TMEM266: variants seen among roughly 807,000 people sequenced by gnomAD.
TMEM266 encodes the protein transmembrane protein 266, also known as Hv1 related protein 1.
Under a neutral mutation model 50.5 loss-of-function variants are expected in TMEM266, and 33 were observed. The ratio of observed to expected loss-of-function variants is 0.65; its 90% CI spans 0.50 to 0.87. TMEM266 has a LOEUF of 0.87. TMEM266 is among the 40% of genes least tolerant of loss of function. The probability of loss-of-function intolerance (pLI) is 0.00; values close to 1 mark genes in which losing one functional copy is unlikely to be tolerated. For synonymous variants in TMEM266, 310 were observed against 292.3 expected, an observed-to-expected ratio of 1.06 and a Z score of -0.62; for missense variants, 655 against 695.1, an observed-to-expected ratio of 0.94 and a Z score of 0.65.
chr15:76,076,140 G>C (rs1355526577), intron 1 of TMEM266, among the ~76,000 whole-genome samples: 2 of 151,972 alleles, frequency 1.3e-5, no homozygotes, highest in East Asian at 3.9e-4. Context: ...TTACAGGCAT[G>C]AGCCACTGTG....
At chr15:76,062,257 T>C (rs2036318877) in intron 1 of TMEM266, among the ~76,000 whole-genome samples, 1 of 152,236 alleles carries the variant, frequency 6.6e-6, no homozygotes, top group Non-Finnish European at 1.5e-5. Flanking sequence ...CTTTTAATTA[T>C]AAATTGATGA....
Position 76,161,478 on chromosome 15 carries a change from T to TCC in TMEM266, c.456+1311_456+1312insCC. Among the ~76,000 whole-genome samples, 1 of 151,912 alleles carries TCC rather than the reference T, an allele frequency of 6.6e-6. No homozygotes were observed. The highest frequency in any genetic ancestry group is 2.4e-5 in the African/African-American group (1 of 41,382). ...AATGGCTCTGCTCTCTCTCTCTCTCTCTCCCTAAAAATCAGGAGGGAGCTG... is the reference window on the plus strand; with the variant it reads ...AATGGCTCTGCTCTCTCTCTCTCTCTCCCTCCCTAAAAATCAGGAGGGAGCTG... On this transcript the variant is annotated intron_variant, in intron 5 of 10. Transcript: ENST00000388942. This position sits in a 1 kb window ranked among gnomAD's most constrained non-coding sequence, Gnocchi z 4.1.
intron 8 of TMEM266, among the ~76,000 whole-genome samples, chr15:76,187,942 C>T (rs538026772): frequency 1.4e-4 from 22 of 152,232 alleles, no homozygotes; most frequent in South Asian, 4.2e-4. Flanking sequence ...CCTGTTGGTT[C>T]GCAGATGATA....
chr15:76,101,836 A>C (rs2037005029), intron 1 of TMEM266, among the ~76,000 whole-genome samples: 1 of 152,226 alleles, frequency 6.6e-6, no homozygotes, highest in African/African-American at 2.4e-5. Flanking sequence ...CCAGCTGCCA[A>C]CACAGGTTGG....
At chr15:76,184,383 C>T (rs1353111173) in intron 8 of TMEM266, among the ~76,000 whole-genome samples, 1 of 152,210 alleles carries the variant, frequency 6.6e-6, no homozygotes, top group East Asian at 1.9e-4. Context: ...TTATGGCCAA[C>T]TACCAGTCAT....
intron 8 of TMEM266, among the ~76,000 whole-genome samples, chr15:76,187,555 A>T (rs1875886): frequency 0.98 from 149,020 of 152,300 alleles, 72,991 homozygotes; most frequent in South Asian, 1. Flanking sequence ...ATCCTGCACA[A>T]AAAGGCTGCC....
intron 1 of TMEM266, among the ~76,000 whole-genome samples, chr15:76,088,643 A>G (rs1459842075): frequency 6.6e-6 from 1 of 151,814 alleles, no homozygotes; most frequent in Non-Finnish European, 1.5e-5. Flanking sequence ...AAAAAATACA[A>G]AAAATTAGCC....
intron 1 of TMEM266, among the ~76,000 whole-genome samples, chr15:76,110,863 G>A (rs2142011242): frequency 6.6e-6 from 1 of 152,282 alleles, no homozygotes; most frequent in East Asian, 1.9e-4. Flanking sequence ...ATATACAGAT[G>A]TCAAATAAGC....
At chr15:76,140,849 A>C (rs1764048927) in intron 3 of TMEM266, among the ~76,000 whole-genome samples, 1 of 147,222 alleles carries the variant, frequency 6.8e-6, no homozygotes, top group Admixed American at 6.9e-5. Flanking sequence ...AGCCTGTGCA[A>C]CATGGCAAAA....
intron 5 of TMEM266, among the ~76,000 whole-genome samples, chr15:76,165,521 G>C (rs1440939687): frequency 6.6e-6 from 1 of 152,254 alleles, no homozygotes; most frequent in Non-Finnish European, 1.5e-5. Flanking sequence ...AGGTGGGAAA[G>C]GAGGAGGCTG....
At chr15:76,144,326 T>G (rs1349328273) in intron 3 of TMEM266, among the ~76,000 whole-genome samples, 1 of 152,074 alleles carries the variant, frequency 6.6e-6, no homozygotes, top group Non-Finnish European at 1.5e-5. Context: ...ACACGAAGCC[T>G]GCTGTGGTTA....
At chr15:76,127,956 G>A (rs1363776258) in intron 1 of TMEM266, among the ~76,000 whole-genome samples, 1 of 152,066 alleles carries the variant, frequency 6.6e-6, no homozygotes, top group Non-Finnish European at 1.5e-5. Context: ...CAGCAAGCTG[G>A]GTTTTAATAA....
chr15:76,195,479 T>C (rs901472063), intron 9 of TMEM266, among the ~76,000 whole-genome samples: 3 of 152,262 alleles, frequency 2.0e-5, no homozygotes, highest in African/African-American at 4.8e-5. Context: ...CACCTTCTTA[T>C]TCTTTTTGAA....
chr15:76,102,296 A>G (rs950083732), intron 1 of TMEM266, among the ~76,000 whole-genome samples: 7 of 152,226 alleles, frequency 4.6e-5, no homozygotes, highest in African/African-American at 1.4e-4. Context: ...GGGGAAGATC[A>G]TAAATAATTA....
At chr15:76,197,062 G>A (rs2038667386) in intron 9 of TMEM266, among the ~76,000 whole-genome samples, 1 of 152,222 alleles carries the variant, frequency 6.6e-6, no homozygotes, top group Admixed American at 6.5e-5. Flanking sequence ...CAGAGACACT[G>A]CCGCAGGGGT....
intron 1 of TMEM266, among the ~76,000 whole-genome samples, chr15:76,083,945 G>A (rs780685098): frequency 1.3e-5 from 2 of 152,150 alleles, no homozygotes; most frequent in Admixed American, 6.6e-5. Flanking sequence ...GTCAGGCTCT[G>A]TATGTTATTG....
intron 1 of TMEM266, chr15:76,109,258 C>T (rs1325815584): frequency 6.6e-6 from 1 of 152,274 alleles, no homozygotes. Context: ...GTTCTGAACT[C>T]AGTCCATGGA....
chr15:76,071,725 C>T (rs1373834126), intron 1 of TMEM266, among the ~76,000 whole-genome samples: 1 of 152,124 alleles, frequency 6.6e-6, no homozygotes, highest in Non-Finnish European at 1.5e-5. Flanking sequence ...CCAGCCCCAC[C>T]CCAGACCCCT....
intron 1 of TMEM266, among the ~76,000 whole-genome samples, chr15:76,081,597 A>G (rs1157362023): frequency 1.3e-5 from 2 of 152,242 alleles, no homozygotes; most frequent in Non-Finnish European, 2.9e-5. Flanking sequence ...CCTAGGTTCC[A>G]GTTCCAGGTC....
Sources: allele counts gnomAD v4.1 joint callset (sites outside exome capture counted in the v4.1 genomes callset), GRCh38; gene constraint gnomAD v4.1.1; non-coding constraint Gnocchi (gnomAD v3.1); transcripts MANE v1.5; gene names NCBI Gene and HGNC (gene_info 2026-07-23, HGNC 2026-07-21).